The following CFAP47 variants were observed in gnomAD, a reference collection of about 807,000 sequenced individuals.
CFAP47 encodes cilia- and flagella-associated protein 47.
Under a neutral mutation model 148.1 loss-of-function variants are expected in CFAP47, and 29 were observed. The ratio of observed to expected loss-of-function variants is 0.20; its 90% CI spans 0.15 to 0.27. The LOEUF (loss-of-function observed/expected upper bound fraction) is 0.27. CFAP47 is among the 10% of genes least tolerant of loss of function. The pLI is 1.00. For synonymous variants in CFAP47, 664 were observed against 577.3 expected, an observed-to-expected ratio of 1.15 and a Z score of -2.15; for missense variants, 1,872 against 1,697.5, an observed-to-expected ratio of 1.10 and a Z score of -1.81.
intron 32 of CFAP47, among the ~76,000 whole-genome samples, chrX:36,102,477 GT>G (rs201871847): frequency 1.1e-4 from 12 of 110,621 alleles, no homozygotes; most frequent in East Asian, 2.9e-4. Flanking sequence ...AAATTAATAA[GT>G]TTTTTTTTAC....
rs766443194 is a variant in CFAP47, at chrX:36,099,776, G to A, written c.5024G>A (p.Ser1675Asn). Reference sequence around the variant, plus strand: ...TCTTCCACTAATACGATGCCTGTGAGTTCCTGTACACCTAAGAAAAAATGT... The same window carrying A: ...TCTTCCACTAATACGATGCCTGTGAATTCCTGTACACCTAAGAAAAAATGT... ...IMSSTNTMPV[S>N]SCTPKKKCSI... is the part of the protein sequence containing the mutation. The change falls in exon 32 of 64, where the codon AGT becomes AAT. Residue 1675 changes from serine (S) to asparagine (N), a missense_variant. Transcript: ENST00000378653. 1 of 863,037 alleles carries A rather than the reference G, an allele frequency of 1.2e-6. No homozygotes were observed. Among genetic ancestry groups the A allele is most frequent in the Non-Finnish European group, 1.7e-6 (1 of 583,575 alleles). 71.1% of individuals were successfully genotyped at this position (863,037 alleles called of 1,213,427 possible). A position where few individuals can be genotyped will look rare whatever the true frequency, so the allele number is the denominator to read the frequency against.
At chrX:36,044,353 C>A (rs1937440832) in intron 25 of CFAP47, among the ~76,000 whole-genome samples, 1 of 113,090 alleles carries the variant, frequency 8.8e-6, no homozygotes, top group African/African-American at 3.2e-5. Context: ...GGTCAGGCTG[C>A]AAATTTTCGA....
At chrX:36,268,466 C>T (rs1014264684) in intron 49 of CFAP47, among the ~76,000 whole-genome samples, 2 of 112,645 alleles carry the variant, frequency 1.8e-5, no homozygotes, top group African/African-American at 3.2e-5. Flanking sequence ...ATAGTTCTCA[C>T]TGGAAGTGAA....
At chrX:36,179,704 C>A (rs1253829932) in intron 40 of CFAP47, among the ~76,000 whole-genome samples, 3 of 111,219 alleles carry the variant, frequency 2.7e-5, no homozygotes, top group Non-Finnish European at 5.7e-5. Context: ...AATACTGAAC[C>A]ATTATTCCAA....
At chrX:36,374,712 TTTG>T (rs1942005167) in intron 62 of CFAP47, 3 of 388,000 alleles carry the variant, frequency 7.7e-6, no homozygotes, top group Non-Finnish European at 1.3e-5. Flanking sequence ...TAAGTTTTGT[TTTG>T]TTGTGTTTTC....
At chrX:36,209,760 A>G (rs1287155884) in intron 45 of CFAP47, among the ~76,000 whole-genome samples, 1 of 111,620 alleles carries the variant, frequency 9.0e-6, no homozygotes, top group Non-Finnish European at 1.9e-5. Context: ...CACATACCAT[A>G]CAATTCACAA....
chrX:36,043,243 AAAAC>A (rs1937427033), intron 25 of CFAP47, among the ~76,000 whole-genome samples: 1 of 112,174 alleles, frequency 8.9e-6, no homozygotes, highest in African/African-American at 3.2e-5. Context: ...AGTTGTATTA[AAAAC>A]AAATAAGTAT....
At position 36,371,700 on chromosome X, in the gene CFAP47, A is replaced by C. The variant is rs868971791; in HGVS notation, c.9185+4573A>C. Among the ~76,000 whole-genome samples the C allele has an allele frequency of 5.5e-5, 3 of 54,470 alleles. 1 individual carries two copies. The highest frequency in any genetic ancestry group is 4.7e-4 in the African/African-American group (3 of 6,323). 47.3% of individuals were successfully genotyped at this position (54,470 alleles called of 115,157 possible). ...TGTATATATGTGTGTATATACACAC[A>C]TGTGTATATATGTGTGTATATACAC... On this transcript the variant is annotated intron_variant, in intron 62 of 63. Coordinates refer to ENST00000378653, the MANE Select transcript of CFAP47 (RefSeq NM_001304548.2).
intron 39 of CFAP47, among the ~76,000 whole-genome samples, chrX:36,169,084 A>C (rs1367649647): frequency 9.0e-6 from 1 of 111,343 alleles, no homozygotes; most frequent in Non-Finnish European, 1.9e-5. Context: ...AGTGTACTGA[A>C]TACATAATCC....
At chrX:36,116,451 C>T (rs947065716) in intron 33 of CFAP47, among the ~76,000 whole-genome samples, 4 of 112,101 alleles carry the variant, frequency 3.6e-5, no homozygotes, top group Non-Finnish European at 7.5e-5. Context: ...CCTTACAATA[C>T]GTTTAAATAT....
rs767679967 is a variant in CFAP47 at position 36,098,918 on chromosome X, T to C, written c.4998+44T>C. The C allele has an allele frequency of 2.4e-5, 17 of 713,162 alleles. No individual in the cohort carries two copies. In the African/African-American group the frequency reaches 3.7e-4, roughly 15 times the overall value. 58.8% of individuals were successfully genotyped at this position (713,162 alleles called of 1,213,427 possible). A position where few individuals can be genotyped will look rare whatever the true frequency, so the allele number is the denominator to read the frequency against. On this transcript the variant is annotated intron_variant, in intron 31 of 63. Coordinates refer to ENST00000378653, the MANE Select transcript of CFAP47 (RefSeq NM_001304548.2). ...TTGGAACAAACCACACAGTTATTAT[T>C]GTATGTACTGGTATTTGGCCTATGT...
intron 39 of CFAP47, among the ~76,000 whole-genome samples, chrX:36,168,165 G>C (rs1013847086): frequency 2.7e-5 from 3 of 111,061 alleles, no homozygotes; most frequent in Non-Finnish European, 3.8e-5. Context: ...GAAGTGTTTA[G>C]TCTGTTAAAT....
intron 62 of CFAP47, among the ~76,000 whole-genome samples, chrX:36,372,917 G>A (rs931101616): frequency 9.0e-6 from 1 of 111,473 alleles, no homozygotes; most frequent in East Asian, 2.8e-4. Context: ...CTGTTCTATT[G>A]ACCTATGTGT....
intron 2 of CFAP47, among the ~76,000 whole-genome samples, chrX:35,935,353 G>C (rs781595039): frequency 1.8e-5 from 2 of 111,592 alleles, no homozygotes; most frequent in Admixed American, 9.5e-5. Context: ...CAGGGCAGCA[G>C]TGAGTTCAAT....
intron 39 of CFAP47, among the ~76,000 whole-genome samples, chrX:36,164,790 TTTG>T (rs1939470282): frequency 8.9e-6 from 1 of 111,881 alleles, no homozygotes; most frequent in Admixed American, 9.5e-5. Context: ...TGTTTGTTTG[TTTG>T]TTTTTTGGTA....
At chrX:36,313,362 G>A (rs1222433369) in intron 56 of CFAP47, among the ~76,000 whole-genome samples, 2 of 109,960 alleles carry the variant, frequency 1.8e-5, no homozygotes, top group Non-Finnish European at 3.8e-5. Flanking sequence ...GTGTGTAGGA[G>A]GAAATATCAA....
intron 7 of CFAP47, among the ~76,000 whole-genome samples, chrX:35,953,939 AT>A (rs1477723363): frequency 5.4e-5 from 6 of 111,508 alleles, no homozygotes; most frequent in African/African-American, 1.9e-4. Flanking sequence ...AAGTTAGGTT[AT>A]AATTTTAAAT....
At chrX:36,348,089 A>T in intron 57 of CFAP47, 40 bp from the exon 58 acceptor site, 1 of 789,997 alleles carries the variant, frequency 1.3e-6, no homozygotes, top group Non-Finnish European at 1.7e-6. Context: ...TAGTCTGTTA[A>T]TATTTACCAT....
intron 33 of CFAP47, among the ~76,000 whole-genome samples, chrX:36,124,869 A>AT (rs1416828557): frequency 9.0e-6 from 1 of 111,358 alleles, no homozygotes; most frequent in Non-Finnish European, 1.9e-5. Context: ...ATTCATAAAA[A>AT]ATATATATTT....
Sources: gnomAD v4.1 joint callset for allele counts (sites outside exome capture counted in the v4.1 genomes callset) on GRCh38, gnomAD v4.1.1 for gene constraint, MANE v1.5 for transcripts, NCBI Gene and HGNC (gene_info 2026-07-23, HGNC 2026-07-21) for gene names.